POMT2: variants seen among roughly 807,000 people sequenced by gnomAD.
POMT2 encodes protein O-mannosyltransferase 2, also known as protein O-mannosyl-transferase 2.
POMT2 carries 75 observed loss-of-function variants against 100.0 expected under a neutral mutation model. That is an observed-to-expected ratio of 0.75 (90% CI 0.62 to 0.91). The LOEUF (loss-of-function observed/expected upper bound fraction) is 0.91. Ranked by LOEUF, POMT2 falls within the 40% of genes least tolerant of loss-of-function variation. POMT2 has a pLI of 0.00. For missense variants in POMT2, 940 were observed against 955.1 expected, an observed-to-expected ratio of 0.98 and a Z score of 0.21; for synonymous variants, 378 against 374.1, an observed-to-expected ratio of 1.01 and a Z score of -0.12.
chr14:77,279,632 T>C (rs1438148317), intron 18 of POMT2, 191 bp downstream of exon 18: 3 of 701,810 alleles, frequency 4.3e-6, no homozygotes, highest in Non-Finnish European at 5.2e-6. Context: ...TCTAGTGTTG[T>C]TGGGAGGAAG....
At position 77,275,295 on chromosome 14, in the gene POMT2, C is replaced by G. The variant is rs1330246856; in HGVS notation, c.*2081G>C. 1 of 152,250 alleles carries G rather than the reference C, an allele frequency of 6.6e-6. No homozygotes were observed. The highest frequency in any genetic ancestry group is 2.4e-5 in the African/African-American group (1 of 41,458). The allele number at this position is 152,250 out of a possible 1,614,324, so 9.4% of individuals were successfully genotyped here. A position where few individuals can be genotyped will look rare whatever the true frequency, so the allele number is the denominator to read the frequency against. On this transcript the variant is annotated 3_prime_UTR_variant, in exon 21 of 21. Coordinates refer to ENST00000261534, the MANE Select transcript of POMT2 (RefSeq NM_013382.7). ...AGTGGGCAGGGAATTCTCCTTGGCT[C>G]CTTAGAAGGCAGTGGGAGCCCAGGG...
chr14:77,279,950 C>T, intron 17 of POMT2, 22 bp from the exon 18 acceptor site: 1 of 1,614,150 alleles, frequency 6.2e-7, no homozygotes, highest in South Asian at 1.1e-5. Flanking sequence ...TGGGAATGGG[C>T]AGATGAGAAC....
At chr14:77,311,667 C>A (rs1036270027) in intron 2 of POMT2, among the ~76,000 whole-genome samples, 1 of 152,204 alleles carries the variant, frequency 6.6e-6, no homozygotes, top group Non-Finnish European at 1.5e-5. Context: ...GTATCAGAAC[C>A]TCATCCCTTT....
At chr14:77,292,044 T>C (rs966751456) in intron 9 of POMT2, among the ~76,000 whole-genome samples, 1 of 151,986 alleles carries the variant, frequency 6.6e-6, no homozygotes, top group Non-Finnish European at 1.5e-5. Flanking sequence ...AAAAAAAAAG[T>C]AATTAAGATC....
intron 8 of POMT2, 193 bp from the exon 9 acceptor site, chr14:77,296,466 C>T: frequency 3.4e-6 from 2 of 593,632 alleles, no homozygotes; most frequent in African/African-American, 1.9e-5. Context: ...GGCCCACTTA[C>T]TCCCCCGCCT....
intron 1 of POMT2, among the ~76,000 whole-genome samples, chr14:77,318,804 T>C (rs1449951317): frequency 6.6e-6 from 1 of 151,736 alleles, no homozygotes; most frequent in African/African-American, 2.4e-5. Flanking sequence ...GGTGCGATCT[T>C]AGCTCACTGC....
chr14:77,278,576 G>A (rs1890073829), intron 19 of POMT2, 68 bp from the exon 20 acceptor site: 17 of 1,449,402 alleles, frequency 1.2e-5, no homozygotes, highest in Non-Finnish European at 1.3e-5. Context: ...AGAAGAAGGA[G>A]GCACTCCAAG....
At chr14:77,280,142 G>C (rs372734114) in intron 16 of POMT2, 62 bp from the exon 17 acceptor site, 1 of 1,612,150 alleles carries the variant, frequency 6.2e-7, no homozygotes, top group South Asian at 1.1e-5. Context: ...CACCCATTAG[G>C]GGGAGGAAGA....
intron 11 of POMT2, among the ~76,000 whole-genome samples, chr14:77,288,278 AT>A (rs1890509040): frequency 2.6e-5 from 4 of 152,162 alleles, no homozygotes; most frequent in Admixed American, 6.5e-5. Flanking sequence ...TTATTCCAGC[AT>A]TTTTAGTCAT....
At position 77,320,611 on chromosome 14, in the gene POMT2, T is replaced by G; in HGVS notation, c.71A>C (p.Gln24Pro). The G allele has an allele frequency of 6.3e-7, 1 of 1,589,232 alleles. No individual in the cohort carries two copies. The highest frequency in any genetic ancestry group is 1.1e-5 in the South Asian group (1 of 89,948). ...LRPRRGRCGP[Q>P]AARAAGRDVA... is the part of the protein sequence containing the mutation. ...GTCCCGGCCTGCGGCCCTAGCAGCC[T>G]GGGGGCCACAGCGGCCCCTCCGGGG... is the stretch of plus-strand genomic sequence containing the variant. The change falls in exon 1 of 21, where the codon CAG becomes CCG. Residue 24 changes from glutamine (Q) to proline (P), a missense_variant. Gln to Pro is a moderately conservative substitution (Grantham distance 76). Coordinates refer to ENST00000261534, the MANE Select transcript of POMT2 (RefSeq NM_013382.7).
Position 77,320,758 on chromosome 14 carries a change from G to T in POMT2, c.-77C>A. On this transcript the variant is annotated 5_prime_UTR_variant, in exon 1 of 21. Transcript: ENST00000261534. ...CAGCCGCCCCGCCAAGGAGTCACAAGAGGGCAGCTCGGGGTACCCCGGGAA... is the reference window on the plus strand; with the variant it reads ...CAGCCGCCCCGCCAAGGAGTCACAATAGGGCAGCTCGGGGTACCCCGGGAA... 6.5e-7 allele frequency: 1 copy of T among 1,542,458 alleles called. No homozygotes were observed.
intron 14 of POMT2, chr14:77,284,084 A>G: frequency 1.7e-6 from 1 of 603,758 alleles, no homozygotes; most frequent in Non-Finnish European, 3.0e-6. Context: ...CAAAGGAAAT[A>G]GACAACAAGG....
chr14:77,319,200 G>A (rs527741494), intron 1 of POMT2, among the ~76,000 whole-genome samples: 4 of 152,218 alleles, frequency 2.6e-5, no homozygotes, highest in Non-Finnish European at 4.4e-5. Context: ...AAGATTCCTC[G>A]GTGCCCCCAG....
At chr14:77,292,505 C>G (rs1368903307) in intron 9 of POMT2, among the ~76,000 whole-genome samples, 2 of 152,156 alleles carry the variant, frequency 1.3e-5, no homozygotes, top group East Asian at 3.8e-4. Context: ...GAATTCAAAC[C>G]AGGGCCGCAA....
At chr14:77,317,523 C>T (rs1405633098) in intron 1 of POMT2, among the ~76,000 whole-genome samples, 1 of 152,196 alleles carries the variant, frequency 6.6e-6, no homozygotes, top group Non-Finnish European at 1.5e-5. Flanking sequence ...CATCCACAGG[C>T]ATGACATTGT....
At position 77,304,742 on chromosome 14, in the gene POMT2, A is replaced by G; in HGVS notation, c.497T>C (p.Leu166Pro). Residue 166 changes from leucine to proline, a missense_variant, in exon 4 of 21, where the codon CTG becomes CCG. Leu to Pro is a moderately conservative substitution (Grantham distance 98). Transcript: ENST00000261534. ...CAGTGCTGCCGAGAGGGACTTGGACAGATCCAGTACAGTGAGGTAGGCAAA... is the reference window on the plus strand; with the variant it reads ...CAGTGCTGCCGAGAGGGACTTGGACGGATCCAGTACAGTGAGGTAGGCAAA... ...VPFAYLTVLD[L>P]SKSLSAALLT... 6.2e-7 allele frequency: 1 copy of G among 1,601,512 alleles called. No individual in the cohort carries two copies. The highest frequency in any genetic ancestry group is 8.5e-7 in the Non-Finnish European group (1 of 1,174,992).
chr14:77,306,502 C>A, intron 2 of POMT2, 61 bp from the exon 3 acceptor site: 2 of 1,579,740 alleles, frequency 1.3e-6, no homozygotes, highest in South Asian at 1.1e-5. Flanking sequence ...CCTCTGTCCT[C>A]TGAACTTCCC....
Position 77,278,829 on chromosome 14 carries a change from C to T in POMT2, c.1932G>A (p.Leu644=), listed in dbSNP as rs760608239. Residue 644 remains leucine (L), a synonymous_variant, in exon 19 of 21, where the codon CTG becomes CTA. Coordinates refer to ENST00000261534, the MANE Select transcript of POMT2 (RefSeq NM_013382.7). ...GGAAGTAATGGAGTGTCCAGCCGAGCAGGACCTGGCCGCCTCCTCGAAGCA... is the reference window on the plus strand; with the variant it reads ...GGAAGTAATGGAGTGTCCAGCCGAGTAGGACCTGGCCGCCTCCTCGAAGCA... The part of the protein sequence containing the change: ...QVLLRGGGQV[L]LGWTLHYFPF... 8 of 1,613,534 alleles carry T rather than the reference C, an allele frequency of 5.0e-6. No homozygotes were observed. The African/African-American group carries it at 1.1e-4, about 22-fold the overall frequency.
chr14:77,288,852 T>A, intron 10 of POMT2, 21 bp from the exon 11 acceptor site: 1 of 1,609,158 alleles, frequency 6.2e-7, no homozygotes, highest in Non-Finnish European at 8.5e-7. Context: ...GAAACAAGCA[T>A]TGATATCCAA....
Sources: gnomAD v4.1 joint callset for allele counts (sites outside exome capture counted in the v4.1 genomes callset) on GRCh38, gnomAD v4.1.1 for gene constraint, MANE v1.5 for transcripts, NCBI Gene and HGNC (gene_info 2026-07-23, HGNC 2026-07-21) for gene names.